The following CELSR1 variants were observed in gnomAD, a reference collection of about 807,000 sequenced individuals.
The protein encoded by CELSR1 is cadherin EGF LAG seven-pass G-type receptor 1.
In CELSR1, 110 loss-of-function variants were observed where a neutral mutation model predicts 249.1. That is an observed-to-expected ratio of 0.44 (90% CI 0.38 to 0.52). The LOEUF is 0.52. Among genes scored for constraint, CELSR1 ranks in the 20% least tolerant of loss-of-function variants. CELSR1 has a pLI of 0.00. For missense variants in CELSR1, 4,109 were observed against 4,296.4 expected (o/e 0.96, Z 1.22); for synonymous variants, 2,113 against 1,900.0 (o/e 1.11, Z -2.92).
intron 3 of CELSR1, among the ~76,000 whole-genome samples, chr22:46,438,142 C>A (rs545189258): frequency 9.3e-4 from 140 of 149,774 alleles, no homozygotes; most frequent in African/African-American, 3.2e-3. Context: ...ACAATGCAAG[C>A]AAAAAGCAAA....
intron 2 of CELSR1, among the ~76,000 whole-genome samples, chr22:46,460,333 G>A (rs1428960822): frequency 6.6e-6 from 1 of 152,248 alleles, no homozygotes; most frequent in Non-Finnish European, 1.5e-5. Context: ...AGCTTCAAGG[G>A]AGGAAACCTA....
intron 30 of CELSR1, 22 bp from the exon 31 acceptor site, chr22:46,365,711 G>A: frequency 1.3e-6 from 2 of 1,539,424 alleles, no homozygotes. Flanking sequence ...AGGGAGGGTG[G>A]GCTCAGTATC....
intron 1 of CELSR1, among the ~76,000 whole-genome samples, chr22:46,508,774 G>A (rs1295703036): frequency 1.3e-5 from 2 of 152,318 alleles, no homozygotes; most frequent in East Asian, 3.9e-4. Context: ...CAATCCCCAT[G>A]GGAATGCCGA....
At chr22:46,367,685 G>A (rs370682516) in intron 28 of CELSR1, 44 bp downstream of exon 28, 26 of 1,565,066 alleles carry the variant, frequency 1.7e-5, no homozygotes, top group East Asian at 4.7e-5. Flanking sequence ...ATGGTGTCAC[G>A]GCGGCCAGGC....
In CELSR1 at chr22:46,472,034, G is replaced by C. The variant is rs966509250; in HGVS notation, c.3545-7689C>G. Among the ~76,000 whole-genome samples, 1 of 152,104 alleles carries C rather than the reference G, an allele frequency of 6.6e-6. No homozygotes were observed. Among genetic ancestry groups the C allele is most frequent in the Non-Finnish European group, 1.5e-5 (1 of 68,002 alleles). On this transcript the variant is annotated intron_variant, in intron 1 of 34. Coordinates refer to ENST00000674500, the MANE Select transcript of CELSR1 (RefSeq NM_001378328.1). The surrounding 1 kb of genome is among the most constrained non-coding windows in gnomAD (Gnocchi z 7.0). The stretch of plus-strand genomic sequence containing the variant: ...CACCCACCCAGCACTCTCTCTGCCC[G>C]TGCTCCAGGCATTCCTCCCAGGCCT...
chr22:46,445,314 C>A lies in CELSR1; in HGVS notation c.4184-5903G>T, dbSNP rs1400865754. ...TTCGAGACCAGCCTGGCCAATGTGACAAAACCCCGTCTCTACTAAAAATAT... is the reference window on the plus strand; with the variant it reads ...TTCGAGACCAGCCTGGCCAATGTGAAAAAACCCCGTCTCTACTAAAAATAT... On this transcript the variant is annotated intron_variant, in intron 2 of 34. Coordinates refer to ENST00000674500, the MANE Select transcript of CELSR1 (RefSeq NM_001378328.1). The surrounding 1 kb of genome is among the most constrained non-coding windows in gnomAD (Gnocchi z 4.4). Among the ~76,000 whole-genome samples the A allele has an allele frequency of 6.6e-6, 1 of 151,906 alleles. No individual in the cohort carries two copies. Among genetic ancestry groups the A allele is most frequent in the Non-Finnish European group, 1.5e-5 (1 of 68,012 alleles).
chr22:46,500,266 C>A lies in CELSR1; in HGVS notation c.3544+33361G>T, dbSNP rs1379468700. On this transcript the variant is annotated intron_variant, in intron 1 of 34. Coordinates refer to ENST00000674500, the MANE Select transcript of CELSR1 (RefSeq NM_001378328.1). This position sits in a 1 kb window ranked among gnomAD's most constrained non-coding sequence, Gnocchi z 4.9. ...TGCAGGACTCAAGGAAGGGACATAA[C>A]TGCGACAAAACCCTGGCGCCCGGTT... Among the ~76,000 whole-genome samples the A allele has an allele frequency of 1.3e-5, 2 of 152,112 alleles. No individual in the cohort carries two copies. The highest frequency in any genetic ancestry group is 1.5e-5 in the Non-Finnish European group (1 of 68,020).
intron 1 of CELSR1, among the ~76,000 whole-genome samples, chr22:46,480,103 T>C (rs533573211): frequency 5.3e-5 from 8 of 152,346 alleles, no homozygotes; most frequent in Admixed American, 5.2e-4. Context: ...TCCTATATAC[T>C]AGTATGTATC....
intron 5 of CELSR1, among the ~76,000 whole-genome samples, chr22:46,418,043 G>A (rs1005117022): frequency 6.6e-6 from 1 of 152,260 alleles, no homozygotes; most frequent in Admixed American, 6.5e-5. Flanking sequence ...CATCTTCCTC[G>A]TGGGACGACA....
intron 1 of CELSR1, among the ~76,000 whole-genome samples, chr22:46,533,143 C>T (rs145799977): frequency 4.9e-4 from 75 of 152,332 alleles, no homozygotes; most frequent in Middle Eastern, 3.4e-3. Flanking sequence ...AAGGGAACAC[C>T]GGCTGCATTA....
At chr22:46,431,481 G>A (rs986045430) in intron 5 of CELSR1, among the ~76,000 whole-genome samples, 6 of 152,110 alleles carry the variant, frequency 3.9e-5, no homozygotes, top group African/African-American at 1.4e-4. Context: ...CTTCTGATAC[G>A]TGCAGGAAGG....
rs188240377 is a variant in CELSR1, at chr22:46,537,201, C to T, written c.-31G>A. 2.6e-3 allele frequency: 2,681 copies of T among 1,017,244 alleles called. 37 individuals carry two copies. In the African/African-American group the frequency reaches 0.038, roughly 15 times the overall value. The allele number at this position is 1,017,244 out of a possible 1,614,324, so 63.0% of individuals were successfully genotyped here. On this transcript the variant is annotated 5_prime_UTR_variant, in exon 1 of 35. Transcript: ENST00000674500. This position sits in a 1 kb window ranked among gnomAD's most constrained non-coding sequence, Gnocchi z 5.8. ...GGAGCCCGAGCCCGAGCCGGGCGCC[C>T]GAACACAATCCATGCACCCGGCGCG...
chr22:46,429,111 C>G lies in CELSR1; in HGVS notation c.4611+4282G>C, dbSNP rs1201353410. 6.6e-6 allele frequency among the ~76,000 whole-genome samples: 1 copy of G among 152,152 alleles called. No homozygotes were observed. Among genetic ancestry groups the G allele is most frequent in the African/African-American group, 2.4e-5 (1 of 41,416 alleles). The stretch of plus-strand genomic sequence containing the variant: ...AAGGGAATGACCCGCTCAGTGCAGC[C>G]CCGAGGATCCCCATCCTTCCAGACG... On this transcript the variant is annotated intron_variant, in intron 5 of 34. Coordinates refer to ENST00000674500, the MANE Select transcript of CELSR1 (RefSeq NM_001378328.1). This position sits in a 1 kb window ranked among gnomAD's most constrained non-coding sequence, Gnocchi z 4.1.
intron 24 of CELSR1, among the ~76,000 whole-genome samples, chr22:46,373,836 C>T (rs2078888353): frequency 6.6e-6 from 1 of 152,186 alleles, no homozygotes; most frequent in South Asian, 2.1e-4. Flanking sequence ...ATCAGTCCAC[C>T]CTACCAGGGG....
At chr22:46,392,980 C>A (rs958080034) in intron 14 of CELSR1, among the ~76,000 whole-genome samples, 2 of 152,220 alleles carry the variant, frequency 1.3e-5, no homozygotes, top group African/African-American at 2.4e-5. Flanking sequence ...CCGACCCTGA[C>A]CCAGGAGAGC....
chr22:46,444,119 C>T (rs1340004156), intron 2 of CELSR1, among the ~76,000 whole-genome samples: 1 of 152,220 alleles, frequency 6.6e-6, no homozygotes, highest in African/African-American at 2.4e-5. Flanking sequence ...GAAAGTGAGG[C>T]CCAGGCCCAT....
rs201891674 is a variant in CELSR1 at position 46,436,250 on chromosome 22, G to T, written c.4446C>A (p.Asn1482Lys). ...TQERNGLLLYNGRFNEKHDFI... is the reference protein window; with the variant it reads ...TQERNGLLLYKGRFNEKHDFI... ...AGTCGTGCTTCTCATTGAAGCGGCC[G>T]TTGTAGAGAAGCAAGCCGTTCCTTT... Residue 1482 changes from asparagine to lysine, a missense_variant, in exon 4 of 35, where the codon AAC becomes AAA. By Grantham distance (94) the Asn-to-Lys change is moderately conservative. Coordinates refer to ENST00000674500, the MANE Select transcript of CELSR1 (RefSeq NM_001378328.1). The surrounding 1 kb of genome is among the most constrained non-coding windows in gnomAD (Gnocchi z 5.9). 2.5e-6 allele frequency: 4 copies of T among 1,614,140 alleles called. No homozygotes were observed. The highest frequency in any genetic ancestry group is 3.4e-6 in the Non-Finnish European group (4 of 1,180,016).
At chr22:46,513,621 A>AT (rs2080595944) in intron 1 of CELSR1, among the ~76,000 whole-genome samples, 2 of 152,086 alleles carry the variant, frequency 1.3e-5, no homozygotes, top group Non-Finnish European at 2.9e-5. Context: ...TGCACCAGGG[A>AT]TAGGAGTCCC....
intron 1 of CELSR1, among the ~76,000 whole-genome samples, chr22:46,515,133 C>T (rs201040294): frequency 1.4e-5 from 2 of 146,058 alleles, no homozygotes; most frequent in Non-Finnish European, 3.0e-5. Context: ...CAACCCCCCC[C>T]GGGGACACTC....
Sources: gnomAD v4.1 joint callset for allele counts (sites outside exome capture counted in the v4.1 genomes callset) on GRCh38, gnomAD v4.1.1 for gene constraint, Gnocchi (gnomAD v3.1) non-coding constraint, MANE v1.5 for transcripts, NCBI Gene and HGNC (gene_info 2026-07-23, HGNC 2026-07-21) for gene names.